PARD3B: variants seen among roughly 807,000 people sequenced by gnomAD.
PARD3B encodes partitioning defective 3 homolog B.
Under a neutral mutation model 130.2 loss-of-function variants are expected in PARD3B, and 103 were observed. That is an observed-to-expected ratio of 0.79 (90% CI 0.67 to 0.93). The LOEUF (loss-of-function observed/expected upper bound fraction) is 0.93, where lower values mean the gene tolerates loss of function less well. Ranked by LOEUF, PARD3B falls within the 40% of genes least tolerant of loss-of-function variation. The probability of loss-of-function intolerance (pLI) is 0.00; values close to 1 mark genes in which losing one functional copy is unlikely to be tolerated. For synonymous variants in PARD3B, 583 were observed against 553.2 expected, an observed-to-expected ratio of 1.05 and a Z score of -0.76; for missense variants, 1,609 against 1,499.2, an observed-to-expected ratio of 1.07 and a Z score of -1.21.
In PARD3B at chr2:205,287,710, C is replaced by T. The variant is rs569532486; in HGVS notation, c.2186-12820C>T. ...AGGAAAAAGAATGGATGTCAGCACT[C>T]GGGGGAGAAAAGAGAGACAGTTTAG... On this transcript the variant is annotated intron_variant, in intron 16 of 22. Coordinates refer to ENST00000406610, the MANE Select transcript of PARD3B (RefSeq NM_001302769.2). This position sits in a 1 kb window ranked among gnomAD's most constrained non-coding sequence, Gnocchi z 4.8. Among the ~76,000 whole-genome samples the T allele has an allele frequency of 1.3e-5, 2 of 152,074 alleles. No homozygotes were observed. Among genetic ancestry groups the T allele is most frequent in the African/African-American group, 4.8e-5 (2 of 41,488 alleles).
intron 2 of PARD3B, among the ~76,000 whole-genome samples, chr2:204,931,349 C>G (rs955512784): frequency 1.3e-5 from 2 of 152,042 alleles, no homozygotes; most frequent in African/African-American, 4.8e-5. Context: ...ATGCAAAGCT[C>G]TTAGCATAGT....
chr2:204,829,775 G>A (rs908433555), intron 2 of PARD3B, among the ~76,000 whole-genome samples: 8 of 151,964 alleles, frequency 5.3e-5, no homozygotes, highest in African/African-American at 1.5e-4. Context: ...CGAGGTGGGC[G>A]GATCACGAGG....
intron 4 of PARD3B, among the ~76,000 whole-genome samples, chr2:205,102,952 C>T (rs930877209): frequency 1.3e-5 from 2 of 152,020 alleles, no homozygotes; most frequent in South Asian, 4.2e-4. Context: ...CCTGTAATCC[C>T]AGCCACTCGG....
At chr2:205,030,139 C>T (rs966430383) in intron 3 of PARD3B, among the ~76,000 whole-genome samples, 1 of 152,046 alleles carries the variant, frequency 6.6e-6, no homozygotes, top group Non-Finnish European at 1.5e-5. Flanking sequence ...TTTTAAGACT[C>T]GTGAATAGGT....
chr2:205,289,932 C>G (rs981696489), intron 16 of PARD3B, among the ~76,000 whole-genome samples: 1 of 152,148 alleles, frequency 6.6e-6, no homozygotes, highest in Non-Finnish European at 1.5e-5. Context: ...TCCCCAGTCT[C>G]TAGAACTAAA....
chr2:205,129,235 A>G lies in PARD3B; in HGVS notation c.1434+3498A>G, dbSNP rs185260067. ...ATAAGCACCTAAGTCACGTGGACCC[A>G]TAGCCTTCCTATTGGAGAAATAAGG... On this transcript the variant is annotated intron_variant, in intron 10 of 22. Coordinates refer to ENST00000406610, the MANE Select transcript of PARD3B (RefSeq NM_001302769.2). Among the ~76,000 whole-genome samples, 298 of 152,350 alleles carry G rather than the reference A, an allele frequency of 2.0e-3. 1 individual carries two copies. The highest frequency in any genetic ancestry group is 6.8e-3 in the Middle Eastern group (2 of 294).
At chr2:204,931,588 A>G (rs1422362511) in intron 2 of PARD3B, among the ~76,000 whole-genome samples, 1 of 144,356 alleles carries the variant, frequency 6.9e-6, no homozygotes, top group African/African-American at 2.5e-5. Context: ...ATGCTTAGAA[A>G]TTAACAATTG....
chr2:204,793,870 T>A (rs193086785), intron 2 of PARD3B, among the ~76,000 whole-genome samples: 2 of 152,152 alleles, frequency 1.3e-5, no homozygotes, highest in African/African-American at 2.4e-5. Flanking sequence ...CATGTCAAAA[T>A]AAATTTCTGA....
At chr2:205,363,132 A>G (rs2044460199) in intron 18 of PARD3B, among the ~76,000 whole-genome samples, 1 of 152,178 alleles carries the variant, frequency 6.6e-6, no homozygotes, top group Admixed American at 6.5e-5. Context: ...TTCGAAATCA[A>G]GCACAGGAAG....
chr2:205,018,076 C>A (rs1276651464), intron 3 of PARD3B, among the ~76,000 whole-genome samples: 1 of 152,138 alleles, frequency 6.6e-6, no homozygotes, highest in African/African-American at 2.4e-5. Context: ...AAAGTGAGTT[C>A]TCACTTTAAT....
At chr2:204,598,582 C>G (rs1468659756) in intron 1 of PARD3B, among the ~76,000 whole-genome samples, 3 of 151,906 alleles carry the variant, frequency 2.0e-5, no homozygotes, top group Non-Finnish European at 4.4e-5. Flanking sequence ...TAGAACAATA[C>G]CAGACACATG....
At chr2:205,532,112 T>C (rs2051624205) in intron 21 of PARD3B, among the ~76,000 whole-genome samples, 1 of 152,220 alleles carries the variant, frequency 6.6e-6, no homozygotes, top group Non-Finnish European at 1.5e-5. Flanking sequence ...TTTGTGATCA[T>C]GCCTTGGCAT....
intron 15 of PARD3B, among the ~76,000 whole-genome samples, chr2:205,224,082 T>G (rs376943589): frequency 2.7e-4 from 30 of 110,130 alleles, no homozygotes; most frequent in African/African-American, 9.9e-4. Flanking sequence ...AAAAAGAAAA[T>G]AAATGGGCCA....
chr2:204,658,094 G>A (rs905543769), intron 1 of PARD3B, among the ~76,000 whole-genome samples: 58 of 152,138 alleles, frequency 3.8e-4, no homozygotes, highest in Admixed American at 2.0e-4. Flanking sequence ...TACTATGGCA[G>A]ATAATTTTTC....
intron 2 of PARD3B, among the ~76,000 whole-genome samples, chr2:204,861,743 A>T (rs1264663256): frequency 6.6e-6 from 1 of 151,954 alleles, no homozygotes; most frequent in Non-Finnish European, 1.5e-5. Flanking sequence ...GTAGCATCTG[A>T]CTGGAATTAG....
rs370641986 is a variant in PARD3B at position 205,125,777 on chromosome 2, G to C, written c.1434+40G>C. ...TCAGTCTCACTGAATTTTTAATGCC[G>C]AGCTTAATACACTCAATGAACTCAT... On this transcript the variant is annotated intron_variant, in intron 10 of 22. Coordinates refer to ENST00000406610, the MANE Select transcript of PARD3B (RefSeq NM_001302769.2). The surrounding 1 kb of genome is among the most constrained non-coding windows in gnomAD (Gnocchi z 4.0). 7.5e-6 allele frequency: 12 copies of C among 1,609,392 alleles called. No individual in the cohort carries two copies. The highest frequency in any genetic ancestry group is 1.3e-5 in the African/African-American group (1 of 74,786).
intron 2 of PARD3B, among the ~76,000 whole-genome samples, chr2:204,923,074 G>A (rs1306554297): frequency 6.6e-6 from 1 of 152,048 alleles, no homozygotes; most frequent in Admixed American, 6.6e-5. Context: ...GTGTTTATGT[G>A]TGACTCAGAT....
intron 2 of PARD3B, among the ~76,000 whole-genome samples, chr2:204,824,239 G>T (rs920172813): frequency 2.0e-5 from 3 of 152,196 alleles, no homozygotes; most frequent in African/African-American, 7.2e-5. Context: ...TTTGGCCAAT[G>T]GAGAATCCTA....
At chr2:204,944,288 C>CAG (rs1049234801) in intron 2 of PARD3B, among the ~76,000 whole-genome samples, 10 of 152,128 alleles carry the variant, frequency 6.6e-5, no homozygotes, top group Admixed American at 5.9e-4. Flanking sequence ...ACCTATAAGG[C>CAG]AGAGAGAGAG....
Sources: gnomAD v4.1 joint callset for allele counts (sites outside exome capture counted in the v4.1 genomes callset) on GRCh38, gnomAD v4.1.1 for gene constraint, Gnocchi (gnomAD v3.1) non-coding constraint, MANE v1.5 for transcripts, NCBI Gene and HGNC (gene_info 2026-07-23, HGNC 2026-07-21) for gene names.